The following PPIG variants were observed in gnomAD, a reference collection of about 807,000 sequenced individuals.
The protein encoded by PPIG is peptidyl-prolyl cis-trans isomerase G.
In PPIG, 26 loss-of-function variants were observed where a neutral mutation model predicts 87.9. The observed-to-expected ratio is 0.30, with a 90% confidence interval of 0.22 to 0.41. The LOEUF (loss-of-function observed/expected upper bound fraction) is 0.41. Ranked by LOEUF, PPIG falls within the 10% of genes least tolerant of loss-of-function variation. The pLI is 1.00. For synonymous variants in PPIG, 308 were observed against 276.5 expected, an observed-to-expected ratio of 1.11 and a Z score of -1.13; for missense variants, 722 against 879.4, an observed-to-expected ratio of 0.82 and a Z score of 2.26.
chr2:169,598,493 G>A (rs540751301), intron 1 of PPIG, among the ~76,000 whole-genome samples: 26 of 152,088 alleles, frequency 1.7e-4, no homozygotes, highest in Admixed American at 9.8e-4. Flanking sequence ...GGGTTTCACC[G>A]TGTTAGCCAG....
intron 1 of PPIG, chr2:169,584,925 G>C (rs1047504921): frequency 9.9e-6 from 2 of 202,910 alleles, no homozygotes; most frequent in Non-Finnish European, 1.0e-5. Flanking sequence ...GGTGGGGAAG[G>C]GGGAGACAGC....
intron 6 of PPIG, 80 bp from the exon 7 acceptor site, chr2:169,608,591 T>G: frequency 3.9e-6 from 3 of 774,360 alleles, no homozygotes; most frequent in Non-Finnish European, 6.6e-6. Flanking sequence ...AAATAATACA[T>G]CAGATATGAA....
In PPIG at chr2:169,639,386, A is replaced by G. The variant is rs1316341225; in HGVS notation, c.*1863A>G. On this transcript the variant is annotated 3_prime_UTR_variant, in exon 14 of 14. Transcript: ENST00000260970. ...CTATTTGAGCTTTAAGAAAGGTGCTATTTAAGAAAGGATTTCTAATAACAG... is the reference window on the plus strand; with the variant it reads ...CTATTTGAGCTTTAAGAAAGGTGCTGTTTAAGAAAGGATTTCTAATAACAG... 1 of 149,394 alleles carries G rather than the reference A, an allele frequency of 6.7e-6. No individual in the cohort carries two copies. The highest frequency in any genetic ancestry group is 2.5e-5 in the African/African-American group (1 of 40,034). The allele number at this position is 149,394 out of a possible 1,614,324, so 9.3% of individuals were successfully genotyped here.
intron 1 of PPIG, among the ~76,000 whole-genome samples, chr2:169,593,101 A>C (rs758190054): frequency 1.3e-5 from 2 of 151,306 alleles, no homozygotes; most frequent in East Asian, 3.9e-4. Flanking sequence ...ACACATGTAC[A>C]TTATAATGTT....
intron 4 of PPIG, 66 bp downstream of exon 4, chr2:169,604,327 G>GTTTTTTTTTTT (rs71006008): frequency 8.6e-6 from 3 of 347,440 alleles, no homozygotes; most frequent in African/African-American, 4.8e-5. Flanking sequence ...TGCTTGCTTG[G>GTTTTTTTTTTT]TTTTTTTTTT....
intron 11 of PPIG, among the ~76,000 whole-genome samples, chr2:169,632,434 A>C (rs1009559269): frequency 3.3e-5 from 5 of 152,200 alleles, no homozygotes; most frequent in African/African-American, 4.8e-5. Flanking sequence ...ATGGTTCTTT[A>C]TCAGTCATTT....
At chr2:169,584,602 G>A in intron 1 of PPIG, 112 bp downstream of exon 1, 1 of 437,964 alleles carries the variant, frequency 2.3e-6, no homozygotes, top group Middle Eastern at 3.5e-4. Flanking sequence ...TGACCGGGTT[G>A]GGTTTACCGT....
chr2:169,589,163 CTG>C (rs764787428), intron 1 of PPIG, among the ~76,000 whole-genome samples: 13 of 152,042 alleles, frequency 8.6e-5, no homozygotes, highest in East Asian at 1.9e-4. Flanking sequence ...TGGGTTATCT[CTG>C]TAAGTTTTCT....
At position 169,630,851 on chromosome 2, in the gene PPIG, G is replaced by A; in HGVS notation, c.625G>A (p.Asp209Asn). Residue 209 changes from aspartate (D) to asparagine (N), a missense_variant, in exon 10 of 14, where the codon GAT becomes AAT. Asp to Asn is a conservative substitution (Grantham distance 23). Coordinates refer to ENST00000260970, the MANE Select transcript of PPIG (RefSeq NM_004792.3). Reference sequence around the variant, plus strand: ...ATCTAGTGACTCAGATAGCTCAAGTGATTCTCAGTCCTCTTCTGATTCCTC... The same window carrying A: ...ATCTAGTGACTCAGATAGCTCAAGTAATTCTCAGTCCTCTTCTGATTCCTC... ...SSSSDSDSSS[D>N]SQSSSDSSDS... 1 of 1,613,006 alleles carries A rather than the reference G, an allele frequency of 6.2e-7. No homozygotes were observed. Among genetic ancestry groups the A allele is most frequent in the Non-Finnish European group, 8.5e-7 (1 of 1,179,434 alleles).
chr2:169,596,366 A>G (rs1685014987), intron 1 of PPIG, among the ~76,000 whole-genome samples: 1 of 152,050 alleles, frequency 6.6e-6, no homozygotes, highest in South Asian at 2.1e-4. Flanking sequence ...CAGCCTCCCA[A>G]AGTGCTGGGA....
Position 169,604,006 on chromosome 2 carries a change from A to C in PPIG, c.-16-20A>C, listed in dbSNP as rs1410474313. The stretch of plus-strand genomic sequence containing the variant: ...TTTGCTATTTTAGTCTGCTTGTCTG[A>C]AACTGTATTTTACTCACAGATTAAG... On this transcript the variant is annotated intron_variant, in intron 2 of 13. Transcript: ENST00000260970. 3 of 1,595,352 alleles carry C rather than the reference A, an allele frequency of 1.9e-6. No homozygotes were observed. The highest frequency in any genetic ancestry group is 2.6e-6 in the Non-Finnish European group (3 of 1,165,722).
intron 6 of PPIG, 52 bp downstream of exon 6, chr2:169,607,200 A>G (rs1181797604): frequency 5.2e-6 from 6 of 1,162,468 alleles, no homozygotes; most frequent in Admixed American, 1.9e-5. Flanking sequence ...CTTTTATTCT[A>G]TTTTATTCTC....
chr2:169,599,626 T>C (rs1685118797), intron 1 of PPIG, among the ~76,000 whole-genome samples: 1 of 152,196 alleles, frequency 6.6e-6, no homozygotes. Context: ...GTGCCTTTTA[T>C]GTTTTTTTTT....
chr2:169,597,209 G>A (rs1303437049), intron 1 of PPIG, among the ~76,000 whole-genome samples: 1 of 152,082 alleles, frequency 6.6e-6, no homozygotes, highest in African/African-American at 2.4e-5. Context: ...TTGAAAATAT[G>A]AGGTTATAAA....
intron 1 of PPIG, among the ~76,000 whole-genome samples, chr2:169,599,306 T>A (rs894417375): frequency 4.6e-5 from 7 of 152,334 alleles, no homozygotes; most frequent in East Asian, 1.9e-4. Context: ...GGGTATTTTT[T>A]AAGTAATTCT....
chr2:169,607,519 A>T (rs925656349), intron 6 of PPIG, among the ~76,000 whole-genome samples: 1 of 152,168 alleles, frequency 6.6e-6, no homozygotes. Context: ...AAAATCTTTG[A>T]TATTCTAAAA....
intron 9 of PPIG, among the ~76,000 whole-genome samples, chr2:169,628,188 G>C (rs1441189512): frequency 1.3e-5 from 2 of 152,160 alleles, no homozygotes; most frequent in Non-Finnish European, 2.9e-5. Context: ...GAAACGGCAT[G>C]GCTGGTACAT....
chr2:169,601,374 G>T (rs1685179688), intron 1 of PPIG, among the ~76,000 whole-genome samples: 1 of 152,150 alleles, frequency 6.6e-6, no homozygotes, highest in Admixed American at 6.6e-5. Flanking sequence ...GAAAATTCAG[G>T]TTTATCACAT....
intron 1 of PPIG, among the ~76,000 whole-genome samples, chr2:169,597,349 A>C (rs1314674499): frequency 6.6e-6 from 1 of 152,078 alleles, no homozygotes; most frequent in Non-Finnish European, 1.5e-5. Flanking sequence ...GCTGGAGTGC[A>C]GTGATGCTAC....
Sources: gnomAD v4.1 joint callset for allele counts (sites outside exome capture counted in the v4.1 genomes callset) on GRCh38, gnomAD v4.1.1 for gene constraint, MANE v1.5 for transcripts, NCBI Gene and HGNC (gene_info 2026-07-23, HGNC 2026-07-21) for gene names.